The following GRM7 variants were observed in gnomAD, a reference collection of about 807,000 sequenced individuals.
The protein encoded by GRM7 is glutamate metabotropic receptor 7.
Under a neutral mutation model 84.5 loss-of-function variants are expected in GRM7, and 35 were observed. The observed-to-expected ratio is 0.41, with a 90% CI of 0.32 to 0.55. The LOEUF is 0.55. Ranked by LOEUF, GRM7 falls within the 20% of genes least tolerant of loss-of-function variation. The pLI is 0.19. For missense variants in GRM7, 1,003 were observed against 1,194.6 expected, an observed-to-expected ratio of 0.84 and a Z score of 2.36; for synonymous variants, 487 against 455.1, an observed-to-expected ratio of 1.07 and a Z score of -0.89.
In GRM7 at chr3:7,187,224, CAA is replaced by C. The variant is rs563018036; in HGVS notation, c.736+40559_736+40560del. 2.6e-3 allele frequency among the ~76,000 whole-genome samples: 375 copies of C among 145,734 alleles called. 4 individuals carry two copies. Among genetic ancestry groups the C allele is most frequent in the African/African-American group, 9.9e-3 (360 of 36,466 alleles). On this transcript the variant is annotated intron_variant, in intron 2 of 9. Coordinates refer to ENST00000357716, the MANE Select transcript of GRM7 (RefSeq NM_000844.4). ...GAACACACACACACACACACACACA[CAA>C]AATCTTGTCCTTTTCTCTAGCTCGC...
chr3:7,093,674 C>G (rs1574892598), intron 1 of GRM7, among the ~76,000 whole-genome samples: 1 of 42,962 alleles, frequency 2.3e-5, no homozygotes, highest in African/African-American at 1.1e-4. Context: ...AAGACTCTGT[C>G]TCAAAAAAAA....
At chr3:7,285,458 G>A (rs1699398031) in intron 2 of GRM7, among the ~76,000 whole-genome samples, 1 of 152,022 alleles carries the variant, frequency 6.6e-6, no homozygotes, top group Non-Finnish European at 1.5e-5. Context: ...CAATCAAATA[G>A]GGCCTAATAC....
intron 1 of GRM7, among the ~76,000 whole-genome samples, chr3:7,044,251 A>G (rs1411167162): frequency 6.6e-6 from 1 of 152,132 alleles, no homozygotes; most frequent in Non-Finnish European, 1.5e-5. Flanking sequence ...ACATGCACCT[A>G]CTGTATGACC....
In GRM7 at chr3:7,378,480, T is replaced by C. The variant is rs191106521; in HGVS notation, c.1034-36543T>C. On this transcript the variant is annotated intron_variant, in intron 4 of 9. Coordinates refer to ENST00000357716, the MANE Select transcript of GRM7 (RefSeq NM_000844.4). ...CTTGAAAGAAAGAAGTCCTAAGTATTACAACAGTCTTGGGAGTTAAGGGAC... is the reference window on the plus strand; with the variant it reads ...CTTGAAAGAAAGAAGTCCTAAGTATCACAACAGTCTTGGGAGTTAAGGGAC... Among the ~76,000 whole-genome samples the C allele has an allele frequency of 1.7e-3, 264 of 152,282 alleles. 1 individual carries two copies. The highest frequency in any genetic ancestry group is 6.0e-3 in the African/African-American group (249 of 41,574).
chr3:6,947,954 TATTA>T (rs1347505869), intron 1 of GRM7, among the ~76,000 whole-genome samples: 1 of 152,220 alleles, frequency 6.6e-6, no homozygotes, highest in Non-Finnish European at 1.5e-5. Flanking sequence ...TTTTCTTCTT[TATTA>T]GTCTTGCTAG....
chr3:6,950,387 A>C (rs1692695356), intron 1 of GRM7, among the ~76,000 whole-genome samples: 2 of 152,192 alleles, frequency 1.3e-5, no homozygotes, highest in Admixed American at 6.5e-5. Flanking sequence ...GGTGAACTGC[A>C]AATGCTGCTA....
chr3:6,886,110 GGT>G (rs1695684247), intron 1 of GRM7, among the ~76,000 whole-genome samples: 1 of 100,040 alleles, frequency 1.0e-5, no homozygotes, highest in Admixed American at 9.7e-5. Flanking sequence ...TGTGTGTGTG[GGT>G]GTGTGTGTGT....
At position 7,692,134 on chromosome 3, in the gene GRM7, T is replaced by C. The variant is rs1322366329; in HGVS notation, c.2698+11839T>C. On this transcript the variant is annotated intron_variant, in intron 9 of 9. Coordinates refer to ENST00000357716, the MANE Select transcript of GRM7 (RefSeq NM_000844.4). ...AAGATAGTTTACTGTGGCCTTTTGA[T>C]GCATCATTAGTAGTCTTTTGGCTTG... Among the ~76,000 whole-genome samples the C allele has an allele frequency of 2.0e-5, 3 of 152,188 alleles. No individual in the cohort carries two copies. The East Asian group carries it at 5.8e-4, about 29-fold the overall frequency.
intron 5 of GRM7, among the ~76,000 whole-genome samples, chr3:7,445,864 G>A (rs1697482585): frequency 6.6e-6 from 1 of 151,960 alleles, no homozygotes; most frequent in Non-Finnish European, 1.5e-5. Flanking sequence ...TTGTAATAAG[G>A]CTTGCTGGGT....
chr3:7,086,667 G>C (rs867407816), intron 1 of GRM7, among the ~76,000 whole-genome samples: 1 of 152,170 alleles, frequency 6.6e-6, no homozygotes, highest in Non-Finnish European at 1.5e-5. Context: ...CCCAAGAGGA[G>C]CTCTGAAAGC....
At chr3:7,285,342 A>G (rs569774857) in intron 2 of GRM7, among the ~76,000 whole-genome samples, 1 of 152,248 alleles carries the variant, frequency 6.6e-6, no homozygotes, top group African/African-American at 2.4e-5. Context: ...CCCTACAGAC[A>G]GTGCACCGTT....
chr3:6,978,321 G>A (rs1694074824), intron 1 of GRM7, among the ~76,000 whole-genome samples: 1 of 152,034 alleles, frequency 6.6e-6, no homozygotes, highest in African/African-American at 2.4e-5. Context: ...GATTCTGGAG[G>A]GAGTGATGCC....
chr3:7,419,880 A>G (rs1696325692), intron 5 of GRM7, among the ~76,000 whole-genome samples: 1 of 152,148 alleles, frequency 6.6e-6, no homozygotes, highest in Non-Finnish European at 1.5e-5. Context: ...TTCATATTTC[A>G]TTGCTAGTGC....
chr3:7,327,735 A>T (rs1428934748), intron 4 of GRM7, among the ~76,000 whole-genome samples: 1 of 152,174 alleles, frequency 6.6e-6, no homozygotes, highest in African/African-American at 2.4e-5. Context: ...GCCCTATAAC[A>T]CGAGGTGGAC....
At chr3:7,154,474 T>C (rs1001412753) in intron 2 of GRM7, among the ~76,000 whole-genome samples, 1 of 152,114 alleles carries the variant, frequency 6.6e-6, no homozygotes, top group Non-Finnish European at 1.5e-5. Context: ...CTGCCATCAT[T>C]GCACTTGATA....
At chr3:7,351,185 G>A (rs961098303) in intron 4 of GRM7, among the ~76,000 whole-genome samples, 17 of 151,832 alleles carry the variant, frequency 1.1e-4, no homozygotes, top group Non-Finnish European at 5.9e-5. Flanking sequence ...CAAAAGTGAT[G>A]TGCCCTATAA....
chr3:7,031,680 C>CT (rs1362925945), intron 1 of GRM7, among the ~76,000 whole-genome samples: 3 of 152,112 alleles, frequency 2.0e-5, no homozygotes, highest in Admixed American at 2.0e-4. Flanking sequence ...TTTTATTATA[C>CT]TTGTCATTGC....
intron 2 of GRM7, among the ~76,000 whole-genome samples, chr3:7,210,328 C>A (rs1696378765): frequency 6.6e-6 from 1 of 152,236 alleles, no homozygotes; most frequent in South Asian, 2.1e-4. Context: ...CCCTAAGAAG[C>A]TTTCCTACCG....
intron 4 of GRM7, among the ~76,000 whole-genome samples, chr3:7,384,571 T>C (rs1408877732): frequency 6.6e-6 from 1 of 152,208 alleles, no homozygotes; most frequent in Non-Finnish European, 1.5e-5. Flanking sequence ...GTATCCCAAA[T>C]ATCATCTCAA....
Sources: gnomAD v4.1 joint callset for allele counts (sites outside exome capture counted in the v4.1 genomes callset) on GRCh38, gnomAD v4.1.1 for gene constraint, MANE v1.5 for transcripts, NCBI Gene and HGNC (gene_info 2026-07-23, HGNC 2026-07-21) for gene names.